The following PHEX variants were observed in gnomAD, a reference collection of about 807,000 sequenced individuals.
PHEX encodes the protein phosphate regulating endopeptidase X-linked, also known as phosphate-regulating neutral endopeptidase PHEX.
Under a neutral mutation model 68.0 loss-of-function variants are expected in PHEX, and 16 were observed. The observed-to-expected ratio is 0.24, with a 90% CI of 0.16 to 0.36. PHEX has a LOEUF of 0.36. Ranked by LOEUF, PHEX falls within the 10% of genes least tolerant of loss-of-function variation. PHEX has a pLI of 1.00. For synonymous variants in PHEX, 208 were observed against 205.1 expected (o/e 1.01, Z -0.12); for missense variants, 480 against 575.5 (o/e 0.83, Z 1.70).
intron 15 of PHEX, among the ~76,000 whole-genome samples, chrX:22,191,171 C>T (rs1047360797): frequency 9.0e-6 from 1 of 110,874 alleles, no homozygotes; most frequent in East Asian, 2.8e-4. Flanking sequence ...AGGTGTGCAC[C>T]ACCACGCCCA....
At chrX:22,156,184 A>G (rs997370618) in intron 12 of PHEX, among the ~76,000 whole-genome samples, 4 of 111,215 alleles carry the variant, frequency 3.6e-5, no homozygotes, top group South Asian at 3.8e-4. Flanking sequence ...TGTCTTAAGA[A>G]GGGGTAGGGT....
chrX:22,090,085 T>C (rs1569386483), intron 5 of PHEX, among the ~76,000 whole-genome samples: 1 of 112,151 alleles, frequency 8.9e-6, no homozygotes, highest in Non-Finnish European at 1.9e-5. Flanking sequence ...GTCACAACAA[T>C]TATCTGGCTT....
intron 13 of PHEX, among the ~76,000 whole-genome samples, chrX:22,173,151 A>G (rs1336143329): frequency 2.7e-5 from 3 of 112,073 alleles, no homozygotes; most frequent in Non-Finnish European, 3.8e-5. Context: ...ATTCTTTACT[A>G]TTTGTTAAAA....
At chrX:22,119,172 G>A (rs1162975833) in intron 11 of PHEX, among the ~76,000 whole-genome samples, 1 of 111,594 alleles carries the variant, frequency 9.0e-6, no homozygotes, top group Non-Finnish European at 1.9e-5. Flanking sequence ...ACAGGCATGA[G>A]CCACTACCCC....
intron 9 of PHEX, chrX:22,099,455 T>C (rs1930318610): frequency 7.9e-6 from 2 of 253,911 alleles, no homozygotes; most frequent in Non-Finnish European, 1.4e-5. Context: ...TTTTCTAAAA[T>C]GTCTGTGTGA....
chrX:22,079,410 C>A (rs955500542), intron 5 of PHEX, among the ~76,000 whole-genome samples: 7 of 111,862 alleles, frequency 6.3e-5, no homozygotes, highest in African/African-American at 1.9e-4. Context: ...TAATCTAGAG[C>A]CCTCCTTTTT....
chrX:22,229,207 G>A (rs1935618979), intron 20 of PHEX, among the ~76,000 whole-genome samples: 1 of 111,791 alleles, frequency 8.9e-6, no homozygotes, highest in Non-Finnish European at 1.9e-5. Context: ...AAGTGTGCAT[G>A]GCATCTTTCT....
intron 11 of PHEX, 90 bp from the exon 12 acceptor site, chrX:22,133,433 G>C: frequency 1.6e-6 from 1 of 636,155 alleles, no homozygotes; most frequent in South Asian, 2.2e-5. Flanking sequence ...TGAGTAAAGA[G>C]TCATTTCTCA....
intron 11 of PHEX, among the ~76,000 whole-genome samples, chrX:22,121,382 C>A (rs1292607690): frequency 9.0e-6 from 1 of 111,606 alleles, no homozygotes; most frequent in Non-Finnish European, 1.9e-5. Context: ...CCAAGGTGAT[C>A]AGGATGGGGA....
At chrX:22,132,609 C>G (rs1932058201) in intron 11 of PHEX, among the ~76,000 whole-genome samples, 1 of 111,943 alleles carries the variant, frequency 8.9e-6, no homozygotes, top group African/African-American at 3.2e-5. Context: ...CTGCCCGTTT[C>G]TCTGTGTTAA....
At chrX:22,218,919 G>A (rs1935177014) in intron 16 of PHEX, 117 bp from the exon 17 acceptor site, 1 of 537,307 alleles carries the variant, frequency 1.9e-6, no homozygotes, top group Non-Finnish European at 3.3e-6. Context: ...TTATTCGATT[G>A]TTATTACCAT....
chrX:22,211,026 T>G (rs1381257577), intron 15 of PHEX, among the ~76,000 whole-genome samples: 1 of 111,497 alleles, frequency 9.0e-6, no homozygotes, highest in Admixed American at 9.5e-5. Flanking sequence ...CCTGGAACAG[T>G]TGCTCTGGAG....
intron 15 of PHEX, among the ~76,000 whole-genome samples, chrX:22,207,284 T>C (rs761564674): frequency 6.2e-5 from 7 of 112,675 alleles, no homozygotes; most frequent in South Asian, 3.6e-4. Flanking sequence ...ATTTTAATCA[T>C]TGAAGTGGTA....
At chrX:22,192,893 C>T (rs886902765) in intron 15 of PHEX, among the ~76,000 whole-genome samples, 7 of 111,045 alleles carry the variant, frequency 6.3e-5, no homozygotes, top group African/African-American at 2.3e-4. Context: ...CCTCGTGTGG[C>T]CACTGTTAGG....
At chrX:22,085,456 T>C (rs1443233461) in intron 5 of PHEX, among the ~76,000 whole-genome samples, 1 of 108,514 alleles carries the variant, frequency 9.2e-6, no homozygotes, top group Non-Finnish European at 1.9e-5. Flanking sequence ...GTACCTGTAA[T>C]CCCACCTACT....
At chrX:22,228,716 A>ATAATTTACTT (rs573232052) in intron 20 of PHEX, among the ~76,000 whole-genome samples, 1 of 107,060 alleles carries the variant, frequency 9.3e-6, no homozygotes, top group African/African-American at 3.4e-5. Context: ...CAGATGTTTC[A>ATAATTTACTT]TACTTTACTT....
At chrX:22,084,628 G>T (rs1929546005) in intron 5 of PHEX, among the ~76,000 whole-genome samples, 1 of 103,784 alleles carries the variant, frequency 9.6e-6, no homozygotes, top group Admixed American at 1.1e-4. Context: ...AAGACATCAA[G>T]TCCTGGGCTT....
intron 15 of PHEX, among the ~76,000 whole-genome samples, chrX:22,199,887 G>A (rs755488107): frequency 8.9e-6 from 1 of 112,035 alleles, no homozygotes; most frequent in Non-Finnish European, 1.9e-5. Flanking sequence ...GTGCGTGTGT[G>A]TATTAGTTTG....
rs1930162907 is a variant in PHEX at position 22,096,941 on chromosome X, T to G, written c.850-14T>G. 8.6e-7 allele frequency: 1 copy of G among 1,161,582 alleles called. No homozygotes were observed. Reference sequence around the variant, plus strand: ...TTCACTTGAAAAAAAATAACAAAAATCTCTTTTCAACAGATAATGATTCCA... The same window carrying G: ...TTCACTTGAAAAAAAATAACAAAAAGCTCTTTTCAACAGATAATGATTCCA... On this transcript the variant is annotated splice_polypyrimidine_tract_variant and intron_variant, in intron 7 of 21. Coordinates refer to ENST00000379374, the MANE Select transcript of PHEX (RefSeq NM_000444.6).
Sources: allele counts gnomAD v4.1 joint callset (sites outside exome capture counted in the v4.1 genomes callset), GRCh38; gene constraint gnomAD v4.1.1; transcripts MANE v1.5; gene names NCBI Gene and HGNC (gene_info 2026-07-23, HGNC 2026-07-21).